Variants in ZFYVE26 observed in about 807,000 individuals in gnomAD.
The protein encoded by ZFYVE26 is zinc finger FYVE-type containing 26.
ZFYVE26 carries 181 observed loss-of-function variants against 276.5 expected under a neutral mutation model. That is an observed-to-expected ratio of 0.65 (90% confidence interval 0.58 to 0.74). ZFYVE26 has a LOEUF of 0.74. Ranked by LOEUF, ZFYVE26 falls within the 30% of genes least tolerant of loss-of-function variation. ZFYVE26 has a pLI of 0.00. For missense variants in ZFYVE26, 2,821 were observed against 3,097.9 expected, an observed-to-expected ratio of 0.91 and a Z score of 2.12; for synonymous variants, 1,129 against 1,203.1, an observed-to-expected ratio of 0.94 and a Z score of 1.27.
chr14:67,786,285 T>C, intron 16 of ZFYVE26, 52 bp from the exon 17 acceptor site: 1 of 1,006,210 alleles, frequency 9.9e-7, no homozygotes, highest in East Asian at 4.8e-5. Context: ...TTGAAGTGTT[T>C]TCAGAGATTG....
At chr14:67,750,601 C>T (rs1294460323) in intron 41 of ZFYVE26, 4 of 217,306 alleles carry the variant, frequency 1.8e-5, no homozygotes, top group South Asian at 7.1e-5. Flanking sequence ...TTCTGGAGAC[C>T]GAGACATTGT....
intron 40 of ZFYVE26, 187 bp from the exon 41 acceptor site, chr14:67,751,283 A>G: frequency 1.5e-6 from 1 of 677,862 alleles, no homozygotes; most frequent in Non-Finnish European, 2.6e-6. Flanking sequence ...TTTCACAGGC[A>G]TGATCCCACT....
intron 27 of ZFYVE26, among the ~76,000 whole-genome samples, chr14:67,774,536 G>A (rs117192202): frequency 0.014 from 2,089 of 152,042 alleles, 22 homozygotes; most frequent in Middle Eastern, 0.078. Flanking sequence ...GGATGGTAGC[G>A]GACAGTGCGG....
chr14:67,782,010 T>A (rs903656371), intron 21 of ZFYVE26, among the ~76,000 whole-genome samples: 14 of 152,182 alleles, frequency 9.2e-5, no homozygotes, highest in Admixed American at 4.6e-4. Flanking sequence ...ATTTCACAGA[T>A]CTGATCTTGG....
Position 67,762,701 on chromosome 14 carries a change from C to G in ZFYVE26, c.6130G>C (p.Glu2044Gln). 2 of 1,614,088 alleles carry G rather than the reference C, an allele frequency of 1.2e-6. No homozygotes were observed. Among genetic ancestry groups the G allele is most frequent in the Non-Finnish European group, 1.7e-6 (2 of 1,180,038 alleles). The part of the protein sequence containing the change: ...AVTRLRNQLL[E>Q]AEYYQLGVEV... ...ACGCCCAGTTGGTAGTACTCGGCTT[C>G]CAAAAGCTGGTTCCTTAGCCTGGTT... The change falls in exon 33 of 42, where the codon GAA becomes CAA. Residue 2044 changes from glutamate to glutamine, a missense_variant. Physicochemically the swap from Glu to Gln is conservative, Grantham distance 29. Coordinates refer to ENST00000347230, the MANE Select transcript of ZFYVE26 (RefSeq NM_015346.4).
At chr14:67,732,419 G>C (rs2038291241) in intron 13 of ZFYVE26, among the ~76,000 whole-genome samples, 1 of 104,000 alleles carries the variant, frequency 9.6e-6, no homozygotes, top group Non-Finnish European at 1.9e-5. Context: ...GATGAAGTGA[G>C]ACCCTATCTC....
Position 67,781,509 on chromosome 14 carries a change from G to C in ZFYVE26, c.4393C>G (p.Leu1465Val), listed in dbSNP as rs759051687. 1 of 1,614,134 alleles carries C rather than the reference G, an allele frequency of 6.2e-7. No individual in the cohort carries two copies. Among genetic ancestry groups the C allele is most frequent in the South Asian group, 1.1e-5 (1 of 91,086 alleles). Residue 1465 changes from leucine (L) to valine (V), a missense_variant, in exon 22 of 42, where the codon CTG becomes GTG. Physicochemically the swap from Leu to Val is conservative, Grantham distance 32. Transcript: ENST00000347230. ...AGAGATGCATCCTTCACGGGAAACA[G>C]GTATTGCCAACCTTCTTTGTCTATA... ...VACDKEGWQY[L>V]FPVKDASLRS...
intron 22 of ZFYVE26, 96 bp from the exon 23 acceptor site, chr14:67,780,441 C>G (rs1259691992): frequency 9.0e-7 from 1 of 1,117,240 alleles, no homozygotes; most frequent in African/African-American, 1.5e-5. Flanking sequence ...ATCCCTAGAT[C>G]TCTGCCCCAA....
rs760718272 is a variant in ZFYVE26 at position 67,782,906 on chromosome 14, C to T, written c.4246G>A (p.Ala1416Thr). The T allele has an allele frequency of 1.9e-6, 3 of 1,614,200 alleles. No homozygotes were observed. Among genetic ancestry groups the T allele is most frequent in the Admixed American group, 1.7e-5 (1 of 60,022 alleles). The change falls in exon 21 of 42, where the codon GCT (alanine) becomes ACT (threonine). Residue 1416 changes from alanine to threonine, a missense_variant. Coordinates refer to ENST00000347230, the MANE Select transcript of ZFYVE26 (RefSeq NM_015346.4). Reference protein sequence around the residue: ...SPIALDVLSEAFEESLVARDW... With the variant: ...SPIALDVLSETFEESLVARDW... ...CTGGCCACCAAGGATTCCTCAAAAG[C>T]CTCACTCAGTACATCTAGGGCAATG...
chr14:67,793,633 C>G lies in ZFYVE26; in HGVS notation c.2528G>C (p.Arg843Pro). ...CTGATGGGCTTCTGCGAAGTTCCCG[C>G]GAAGGATGCAGGATGCCAGCAGTGA... ...PESLLASCIL[R>P]GNFAEAHQVL... The change falls in exon 14 of 42, where the codon CGC becomes CCC. Residue 843 changes from arginine to proline, a missense_variant. Arg to Pro is a moderately radical substitution (Grantham distance 103, BLOSUM62 -2). Coordinates refer to ENST00000347230, the MANE Select transcript of ZFYVE26 (RefSeq NM_015346.4). 1 of 1,613,638 alleles carries G rather than the reference C, an allele frequency of 6.2e-7. No homozygotes were observed. Among genetic ancestry groups the G allele is most frequent in the Non-Finnish European group, 8.5e-7 (1 of 1,179,798 alleles).
At position 67,799,043 on chromosome 14, in the gene ZFYVE26, G is replaced by A. The variant is rs963442609; in HGVS notation, c.1640-421C>T. The stretch of plus-strand genomic sequence containing the variant: ...AGTCTATTCCGTTCCCAGTGACAAA[G>A]AACAGAGAGCAGTGTACGATGAGCA... On this transcript the variant is annotated intron_variant, in intron 10 of 41. Transcript: ENST00000347230. The A allele has an allele frequency of 3.4e-6, 4 of 1,183,060 alleles. No homozygotes were observed. The African/African-American group carries it at 5.9e-5, about 18-fold the overall frequency. The allele number at this position is 1,183,060 out of a possible 1,614,324, so 73.3% of individuals were successfully genotyped here. A position where few individuals can be genotyped will look rare whatever the true frequency, so the allele number is the denominator to read the frequency against.
chr14:67,782,387 C>A (rs2235966), intron 21 of ZFYVE26, among the ~76,000 whole-genome samples: 6,935 of 152,154 alleles, frequency 0.046, 318 homozygotes, highest in African/African-American at 0.12. Context: ...TAGTTACGAG[C>A]GAGACTGTGG....
At position 67,797,752 on chromosome 14, in the gene ZFYVE26, T is replaced by C. The variant is rs1231420825; in HGVS notation, c.2252A>G (p.Glu751Gly). Reference sequence around the variant, plus strand: ...AGGCTGGTATCTTCGGGAAGGTTGCTCCTCTGAAAGAGCAAACCCAATGGG... The same window carrying C: ...AGGCTGGTATCTTCGGGAAGGTTGCCCCTCTGAAAGAGCAAACCCAATGGG... ...KVVTSNHRSE[E>G]QPSRRYQPAT... Residue 751 changes from glutamate (E) to glycine (G), a missense_variant, in exon 12 of 42, where the codon GAG (glutamate) becomes GGG (glycine). Physicochemically the swap from Glu to Gly is moderately conservative, Grantham distance 98. Coordinates refer to ENST00000347230, the MANE Select transcript of ZFYVE26 (RefSeq NM_015346.4). The C allele has an allele frequency of 5.0e-6, 8 of 1,613,890 alleles. No homozygotes were observed. The Admixed American group carries it at 1.3e-4, about 27-fold the overall frequency.
At chr14:67,800,798 T>C (rs1029988033) in intron 10 of ZFYVE26, among the ~76,000 whole-genome samples, 1 of 152,174 alleles carries the variant, frequency 6.6e-6, no homozygotes, top group Non-Finnish European at 1.5e-5. Context: ...CATTTTCAGT[T>C]TGTGGCTACA....
intron 12 of ZFYVE26, chr14:67,796,230 T>TC (rs1487991939): frequency 6.6e-6 from 1 of 151,654 alleles, no homozygotes; most frequent in Non-Finnish European, 1.5e-5. Context: ...ATTTTTTTTT[T>TC]TTTTGAGATG....
chr14:67,806,517 C>A, intron 6 of ZFYVE26, 28 bp downstream of exon 6: 1 of 1,613,786 alleles, frequency 6.2e-7, no homozygotes, highest in East Asian at 2.2e-5. Context: ...CTGGGTACCT[C>A]TGTGATGAAC....
chr14:67,777,659 G>A lies in ZFYVE26; in HGVS notation c.4874C>T (p.Ala1625Val), dbSNP rs753962805. ...EQSLDQHTSLATSHFLANYLT... is the reference protein window; with the variant it reads ...EQSLDQHTSLVTSHFLANYLT... ...GTAGTTGGCCAAGAAGTGAGAAGTG[G>A]CCAAGCTAGTGTGCTGGTCGAGGGA... Residue 1625 changes from alanine (A) to valine (V), a missense_variant, in exon 25 of 42, where the codon GCC becomes GTC. By Grantham distance (64) the Ala-to-Val change is moderately conservative. Transcript: ENST00000347230. 3 of 1,614,164 alleles carry A rather than the reference G, an allele frequency of 1.9e-6. No homozygotes were observed.
intron 28 of ZFYVE26, chr14:67,770,060 T>C: frequency 2.6e-6 from 1 of 382,426 alleles, no homozygotes; most frequent in Non-Finnish European, 5.0e-6. Flanking sequence ...ATCACATTTC[T>C]ACATGGTATT....
At chr14:67,744,873 T>C (rs1414544218), downstream of ZFYVE26, among the ~76,000 whole-genome samples, 2 of 152,214 alleles carry the variant, frequency 1.3e-5, no homozygotes, top group East Asian at 3.8e-4. Context: ...GCAATAAATA[T>C]ATGTGTGCAT....
Sources: allele counts gnomAD v4.1 joint callset (sites outside exome capture counted in the v4.1 genomes callset), GRCh38; gene constraint gnomAD v4.1.1; transcripts MANE v1.5; gene names NCBI Gene and HGNC (gene_info 2026-07-23, HGNC 2026-07-21).